ABCA5: variants seen among roughly 807,000 people sequenced by gnomAD.
The protein encoded by ABCA5 is ATP binding cassette subfamily A member 5.
In ABCA5, 163 loss-of-function variants were observed where a neutral mutation model predicts 206.0. The ratio of observed to expected loss-of-function variants is 0.79; its 90% CI spans 0.70 to 0.90. The LOEUF is 0.90. Among genes scored for constraint, ABCA5 ranks in the 40% least tolerant of loss-of-function variants. ABCA5 has a pLI of 0.00. For missense variants in ABCA5, 1,859 were observed against 1,912.9 expected (o/e 0.97, Z 0.53); for synonymous variants, 609 against 613.8 (o/e 0.99, Z 0.11).
chr17:69,277,776 T>G lies in ABCA5; in HGVS notation c.2459A>C (p.Glu820Ala), dbSNP rs751951555. The G allele has an allele frequency of 3.8e-6, 6 of 1,593,798 alleles. No homozygotes were observed. In the African/African-American group the frequency reaches 6.8e-5, roughly 18 times the overall value. Residue 820 changes from glutamate (E) to alanine (A), a missense_variant, in exon 19 of 39, where the codon GAA becomes GCA. By Grantham distance (107) the Glu-to-Ala change is moderately radical. Coordinates refer to ENST00000392676, the MANE Select transcript of ABCA5 (RefSeq NM_172232.4). ...TTCAGAAAGAATAAGTAAGCTCTGT[T>G]CCATTTCATCAAAAGATTTTGAATC... ...EMDSKSFDEM[E>A]QSLLILSETK...
chr17:69,253,216 A>C (rs1386439229), intron 34 of ABCA5, among the ~76,000 whole-genome samples: 2 of 152,222 alleles, frequency 1.3e-5, no homozygotes, highest in East Asian at 3.8e-4. Flanking sequence ...TGACTGTCCT[A>C]GAAAGAGTCT....
At chr17:69,278,503 T>C (rs953963265) in intron 18 of ABCA5, among the ~76,000 whole-genome samples, 6 of 152,206 alleles carry the variant, frequency 3.9e-5, no homozygotes, top group African/African-American at 1.4e-4. Flanking sequence ...TCATCTTTAG[T>C]CTTTGGAAGG....
intron 6 of ABCA5, among the ~76,000 whole-genome samples, chr17:69,306,320 A>T (rs1037277857): frequency 2.6e-5 from 4 of 152,146 alleles, no homozygotes; most frequent in Non-Finnish European, 4.4e-5. Context: ...TTTTAATATT[A>T]TATATATGCT....
intron 19 of ABCA5, 62 bp from the exon 20 acceptor site, chr17:69,274,190 T>C: frequency 7.0e-7 from 1 of 1,420,432 alleles, no homozygotes; most frequent in Non-Finnish European, 9.4e-7. Context: ...TGAAAATCAA[T>C]TAAAACTCTC....
chr17:69,292,902 T>C (rs1214330469), intron 11 of ABCA5, among the ~76,000 whole-genome samples: 1 of 152,206 alleles, frequency 6.6e-6, no homozygotes, highest in African/African-American at 2.4e-5. Flanking sequence ...AGAACTTGAA[T>C]AGGCATTTCA....
intron 18 of ABCA5, among the ~76,000 whole-genome samples, chr17:69,279,821 G>C (rs1026052998): frequency 3.2e-4 from 48 of 152,304 alleles, no homozygotes; most frequent in Non-Finnish European, 5.0e-4. Context: ...GGGAAAACTA[G>C]CTAGCCATAT....
In ABCA5 at chr17:69,289,968, C is replaced by T. The variant is rs369799155; in HGVS notation, c.1676G>A (p.Gly559Asp). 2.5e-6 allele frequency: 4 copies of T among 1,611,978 alleles called. No homozygotes were observed. Among genetic ancestry groups the T allele is most frequent in the African/African-American group, 2.7e-5 (2 of 74,820 alleles). The change falls in exon 13 of 39, where the codon GGC becomes GAC. Residue 559 changes from glycine to aspartate, a missense_variant. By Grantham distance (94) the Gly-to-Asp change is moderately conservative. Coordinates refer to ENST00000392676, the MANE Select transcript of ABCA5 (RefSeq NM_172232.4). ...GTGTATATCTAACTGTGGACAAATGCCAATCATTTTTCTTGCTTCAAACAT... is the reference window on the plus strand; with the variant it reads ...GTGTATATCTAACTGTGGACAAATGTCAATCATTTTTCTTGCTTCAAACAT... The part of the protein sequence containing the change: ...DEMFEARKMI[G>D]ICPQLDIHFD...
chr17:69,317,409 A>C (rs2075827556), intron 1 of ABCA5, among the ~76,000 whole-genome samples: 1 of 151,454 alleles, frequency 6.6e-6, no homozygotes, highest in African/African-American at 2.4e-5. Context: ...CAAAAAAAAA[A>C]AAAAAAAAAA....
At chr17:69,287,340 C>A (rs1212592461) in intron 15 of ABCA5, among the ~76,000 whole-genome samples, 3 of 152,136 alleles carry the variant, frequency 2.0e-5, no homozygotes, top group African/African-American at 7.2e-5. Flanking sequence ...GCTAACTTAG[C>A]TTTGTATCCT....
chr17:69,255,563 T>C lies in ABCA5; in HGVS notation c.4048A>G (p.Ile1350Val). 1 of 1,571,952 alleles carries C rather than the reference T, an allele frequency of 6.4e-7. No homozygotes were observed. ...CATACCTGGCCTGAAGTTGGTTCAA[T>C]ATCACCAACCAGAATATTAATAATT... ...STIINILVGDIEPTSGQVFLG... is the reference protein window; with the variant it reads ...STIINILVGDVEPTSGQVFLG... Residue 1350 changes from isoleucine (I) to valine (V), a missense_variant, in exon 31 of 39, where the codon ATT becomes GTT. Coordinates refer to ENST00000392676, the MANE Select transcript of ABCA5 (RefSeq NM_172232.4).
rs1357164252 is a variant in ABCA5, at chr17:69,284,360, TA to T, written c.2273-289del. 3.3e-5 allele frequency among the ~76,000 whole-genome samples: 5 copies of T among 152,148 alleles called. No individual in the cohort carries two copies. The South Asian group carries it at 8.3e-4, about 25-fold the overall frequency. ...CTAAGTAACAGGCTTAACATTCTTA[TA>T]AATTAAGGACCTCAAAGAAATTTTA... On this transcript the variant is annotated intron_variant, in intron 17 of 38. Coordinates refer to ENST00000392676, the MANE Select transcript of ABCA5 (RefSeq NM_172232.4).
intron 24 of ABCA5, among the ~76,000 whole-genome samples, chr17:69,262,877 C>T (rs974796852): frequency 1.3e-5 from 2 of 152,014 alleles, no homozygotes; most frequent in African/African-American, 4.8e-5. Context: ...ATTTCATTTT[C>T]TCTGCAGCCT....
At chr17:69,275,373 T>A (rs753086393) in intron 19 of ABCA5, among the ~76,000 whole-genome samples, 2 of 152,126 alleles carry the variant, frequency 1.3e-5, no homozygotes, top group Non-Finnish European at 2.9e-5. Flanking sequence ...ATGTAATAAG[T>A]GTCCTAACAA....
rs762294982 is a variant in ABCA5, at chr17:69,270,619, G to T, written c.3024C>A (p.Phe1008Leu). The change falls in exon 22 of 39, where the codon TTC becomes TTA. Residue 1008 changes from phenylalanine (F) to leucine (L), a missense_variant. By Grantham distance (22) the Phe-to-Leu change is conservative. Transcript: ENST00000392676. ...TGTATATACATTGGCTTACTTGAAA[G>T]AATGGGGTACTCCAGATCTGGATGG... ...TETIQIWSTP[F>L]FQEITDIVFK... 8.2e-6 allele frequency: 13 copies of T among 1,587,830 alleles called. No homozygotes were observed. Among genetic ancestry groups the T allele is most frequent in the Non-Finnish European group, 1.1e-5 (13 of 1,170,832 alleles).
intron 26 of ABCA5, among the ~76,000 whole-genome samples, chr17:69,260,644 G>A (rs1442876512): frequency 6.6e-6 from 1 of 151,832 alleles, no homozygotes; most frequent in Non-Finnish European, 1.5e-5. Context: ...GGGGTAGTAG[G>A]ATTAGTAAGT....
intron 36 of ABCA5, among the ~76,000 whole-genome samples, 199 bp from the exon 37 acceptor site, chr17:69,250,183 ATAC>A (rs1474371807): frequency 6.6e-6 from 1 of 152,012 alleles, no homozygotes; most frequent in Non-Finnish European, 1.5e-5. Flanking sequence ...AAAAATTTAA[ATAC>A]TACTGAATAT....
chr17:69,281,661 G>A (rs1470823090), intron 18 of ABCA5, among the ~76,000 whole-genome samples: 1 of 152,098 alleles, frequency 6.6e-6, no homozygotes, highest in East Asian at 1.9e-4. Context: ...CATAAACGTA[G>A]GACTACAGGA....
chr17:69,252,777 C>T (rs941526412), intron 34 of ABCA5, among the ~76,000 whole-genome samples: 1 of 143,470 alleles, frequency 7.0e-6, no homozygotes, highest in Admixed American at 7.3e-5. Context: ...GCAGAGGTTG[C>T]AGTAAGCCAA....
intron 18 of ABCA5, among the ~76,000 whole-genome samples, chr17:69,280,091 C>T (rs1457549564): frequency 6.6e-6 from 1 of 152,030 alleles, no homozygotes; most frequent in African/African-American, 2.4e-5. Flanking sequence ...TCAGAGTGAA[C>T]AGGCAACCTA....
Sources: gnomAD v4.1 joint callset for allele counts (sites outside exome capture counted in the v4.1 genomes callset) on GRCh38, gnomAD v4.1.1 for gene constraint, MANE v1.5 for transcripts, NCBI Gene and HGNC (gene_info 2026-07-23, HGNC 2026-07-21) for gene names.